Variants in USP35 observed in about 807,000 individuals in gnomAD.
USP35 encodes the protein ubiquitin specific peptidase 35, also known as ubiquitin carboxyl-terminal hydrolase 35.
Under a neutral mutation model 83.8 loss-of-function variants are expected in USP35, and 69 were observed. The ratio of observed to expected loss-of-function variants is 0.82; its 90% confidence interval spans 0.68 to 1.01. The LOEUF (loss-of-function observed/expected upper bound fraction) is 1.01. Among genes scored for constraint, USP35 ranks in the 50% least tolerant of loss-of-function variants. The pLI, the probability that USP35 is intolerant of heterozygous loss-of-function variation, is 0.00. For synonymous variants in USP35, 714 were observed against 589.5 expected (o/e 1.21, Z -3.06); for missense variants, 1,503 against 1,362.5 (o/e 1.10, Z -1.62).
chr11:78,222,739 C>T, the USP35 span, among the ~76,000 whole-genome samples: 7 of 151,990 alleles, frequency 4.6e-5, no homozygotes, highest in East Asian at 1.9e-4. Context: ...CCTGCCACCA[C>T]GCTTAGCTAA....
the USP35 span, among the ~76,000 whole-genome samples, chr11:78,227,484 G>GT: frequency 1.3e-5 from 2 of 152,108 alleles, no homozygotes; most frequent in African/African-American, 4.8e-5. Flanking sequence ...TATTGATGTT[G>GT]TAAGTTGAAA....
the USP35 span, among the ~76,000 whole-genome samples, chr11:78,224,809 T>TA: frequency 6.6e-6 from 1 of 152,078 alleles, no homozygotes; most frequent in South Asian, 2.1e-4. Flanking sequence ...GTTGCTGTCT[T>TA]AGAGGTTCCC....
At chr11:78,192,442 TG>T (rs760536551) in intron 1 of USP35, among the ~76,000 whole-genome samples, 79 of 152,370 alleles carry the variant, frequency 5.2e-4, no homozygotes, top group Non-Finnish European at 9.8e-4. Context: ...TAGCTGGCCT[TG>T]TCCTCCCTTC....
At chr11:78,208,631 C>T (rs1270917382) in intron 8 of USP35, among the ~76,000 whole-genome samples, 2 of 152,166 alleles carry the variant, frequency 1.3e-5, no homozygotes, top group Admixed American at 1.3e-4. Flanking sequence ...TTCCTAGAGC[C>T]TCGTTCATTT....
chr11:78,223,339 C>T, the USP35 span: 1 of 1,288,888 alleles, frequency 7.8e-7, no homozygotes, highest in African/African-American at 1.5e-5. Flanking sequence ...CCAGGATCCA[C>T]ATGACCCCTA....
the USP35 span, chr11:78,221,543 C>T: frequency 2.0e-6 from 1 of 497,780 alleles, no homozygotes. Context: ...GGGTTTGTAG[C>T]AGGAGACTAA....
chr11:78,194,854 T>C (rs1167391858), intron 1 of USP35, among the ~76,000 whole-genome samples: 1 of 152,098 alleles, frequency 6.6e-6, no homozygotes, highest in African/African-American at 2.4e-5. Context: ...TATACAGCAT[T>C]GGAGGGGAGG....
chr11:78,233,779 G>A, the USP35 span, among the ~76,000 whole-genome samples: 19 of 152,204 alleles, frequency 1.2e-4, no homozygotes, highest in Non-Finnish European at 1.9e-4. Context: ...TCTAATTTTT[G>A]TATTTTTAGC....
rs1334036742 is a variant in USP35, at chr11:78,207,433, C to G, written c.1392-97C>G. On this transcript the variant is annotated intron_variant, in intron 7 of 10. Coordinates refer to ENST00000529308, the MANE Select transcript of USP35 (RefSeq NM_020798.4). ...CTTGGGGCAGAAATGTCTGTTCTGC[C>G]TTTGGCCTAGAGGCTCTGGGCTGCC... The G allele has an allele frequency of 3.3e-6, 4 of 1,230,016 alleles. No homozygotes were observed. In the Admixed American group the frequency reaches 5.5e-5, roughly 17 times the overall value. The allele number at this position is 1,230,016 out of a possible 1,614,324, so 76.2% of individuals were successfully genotyped here.
the USP35 span, among the ~76,000 whole-genome samples, chr11:78,224,508 G>A: frequency 6.6e-6 from 1 of 152,186 alleles, no homozygotes; most frequent in East Asian, 1.9e-4. Flanking sequence ...ACAGAGTTGT[G>A]TGATACAGCA....
chr11:78,235,829 GTCT>G, the USP35 span, among the ~76,000 whole-genome samples: 15 of 152,226 alleles, frequency 9.9e-5, no homozygotes, highest in Middle Eastern at 0.017. Context: ...ACATTTTCCT[GTCT>G]TCTTCTGAGC....
the USP35 span, among the ~76,000 whole-genome samples, chr11:78,227,614 T>C: frequency 8.7e-6 from 1 of 115,262 alleles, no homozygotes; most frequent in Non-Finnish European, 1.7e-5. Flanking sequence ...GGGAACACAA[T>C]AAGACTCCAT....
intron 3 of USP35, 106 bp from the exon 4 acceptor site, chr11:78,199,489 T>C: frequency 6.5e-7 from 1 of 1,532,406 alleles, no homozygotes; most frequent in Non-Finnish European, 8.9e-7. Flanking sequence ...TTTGCAGGTG[T>C]GAGTCAATGT....
Position 78,214,289 on chromosome 11 carries a change from G to C in USP35, c.*476G>C, listed in dbSNP as rs564697812. ...TGTCCTGTTTGTTTGTTTCTCATAT[G>C]GGGGTGGGGGGTACCTGCACTGTCT... On this transcript the variant is annotated 3_prime_UTR_variant, in exon 11 of 11. Transcript: ENST00000529308. 6.8e-6 allele frequency: 1 copy of C among 147,982 alleles called. No individual in the cohort carries two copies. Among genetic ancestry groups the C allele is most frequent in the Non-Finnish European group, 1.5e-5 (1 of 67,872 alleles). The allele number at this position is 147,982 out of a possible 1,614,324, so 9.2% of individuals were successfully genotyped here. A position where few individuals can be genotyped will look rare whatever the true frequency, so the allele number is the denominator to read the frequency against.
chr11:78,218,303 C>T (rs1370397461), downstream of USP35: 1 of 153,352 alleles, frequency 6.5e-6, no homozygotes. Context: ...CACTCCCTCC[C>T]ATATTCCCCA....
chr11:78,200,891 T>C, intron 6 of USP35, 83 bp downstream of exon 6: 2 of 1,499,974 alleles, frequency 1.3e-6, no homozygotes, highest in Non-Finnish European at 1.8e-6. Context: ...ATACCACAGC[T>C]TGGTGGCAGT....
the USP35 span, among the ~76,000 whole-genome samples, chr11:78,222,886 C>A: frequency 6.6e-6 from 1 of 152,240 alleles, no homozygotes; most frequent in Non-Finnish European, 1.5e-5. Context: ...CCATGGCGCC[C>A]AGCCAAGAGA....
chr11:78,210,098 C>T lies in USP35; in HGVS notation c.2243C>T (p.Ser748Phe). ...AGTHPDAAIPSGERTCGSEGS... is the reference protein window; with the variant it reads ...AGTHPDAAIPFGERTCGSEGS... Reference sequence around the variant, plus strand: ...ACCCACCCGGATGCTGCCATCCCCTCCGGGGAGCGGACATGTGGCTCTGAG... The same window carrying T: ...ACCCACCCGGATGCTGCCATCCCCTTCGGGGAGCGGACATGTGGCTCTGAG... The change falls in exon 10 of 11, where the codon TCC (serine) becomes TTC (phenylalanine). Residue 748 changes from serine (S) to phenylalanine (F), a missense_variant. Physicochemically the swap from Ser to Phe is radical, Grantham distance 155 (BLOSUM62 -2). Transcript: ENST00000529308. 6.2e-7 allele frequency: 1 copy of T among 1,614,056 alleles called. No homozygotes were observed. The highest frequency in any genetic ancestry group is 8.5e-7 in the Non-Finnish European group (1 of 1,180,000).
At position 78,188,989 on chromosome 11, in the gene USP35, A is replaced by T; in HGVS notation, c.-179A>T. The T allele has an allele frequency of 1.0e-6, 1 of 980,324 alleles. No homozygotes were observed. The highest frequency in any genetic ancestry group is 1.2e-6 in the Non-Finnish European group (1 of 825,228). The allele number at this position is 980,324 out of a possible 1,614,324, so 60.7% of individuals were successfully genotyped here. A position where few individuals can be genotyped will look rare whatever the true frequency, so the allele number is the denominator to read the frequency against. On this transcript the variant is annotated 5_prime_UTR_variant, in exon 1 of 11. Coordinates refer to ENST00000529308, the MANE Select transcript of USP35 (RefSeq NM_020798.4). ...GGCTTGTGCCAGGCGGGGTGGGAAGACTGGATTTTGCAGTGGAAGCAGCAT... is the reference window on the plus strand; with the variant it reads ...GGCTTGTGCCAGGCGGGGTGGGAAGTCTGGATTTTGCAGTGGAAGCAGCAT...
Sources: gnomAD v4.1 joint callset for allele counts (sites outside exome capture counted in the v4.1 genomes callset) on GRCh38, gnomAD v4.1.1 for gene constraint, MANE v1.5 for transcripts, NCBI Gene and HGNC (gene_info 2026-07-23, HGNC 2026-07-21) for gene names.